KICS2: variants seen among roughly 807,000 people sequenced by gnomAD.
KICS2 encodes the protein KICSTOR complex protein C12orf66.
KICS2 carries 13 observed loss-of-function variants against 31.4 expected under a neutral mutation model. The ratio of observed to expected loss-of-function variants is 0.41; its 90% CI spans 0.27 to 0.66. KICS2 has a LOEUF of 0.66. KICS2 is among the 30% of genes least tolerant of loss of function. The pLI is 0.28. For missense variants in KICS2, 455 were observed against 545.4 expected, an observed-to-expected ratio of 0.83 and a Z score of 1.65; for synonymous variants, 209 against 214.8, an observed-to-expected ratio of 0.97 and a Z score of 0.24.
intron 1 of KICS2, among the ~76,000 whole-genome samples, chr12:64,216,214 A>C (rs994069551): frequency 7.0e-6 from 1 of 142,266 alleles, no homozygotes; most frequent in Admixed American, 7.2e-5. Flanking sequence ...AAGCTAAATG[A>C]ATACCTGATA....
intron 2 of KICS2, among the ~76,000 whole-genome samples, chr12:64,202,123 C>T (rs919129551): frequency 6.6e-6 from 1 of 152,166 alleles, no homozygotes; most frequent in Admixed American, 6.5e-5. Context: ...AAGTTTTTGA[C>T]GCTGGGCACA....
chr12:64,216,382 T>C (rs1181354146), intron 1 of KICS2, among the ~76,000 whole-genome samples: 1 of 152,196 alleles, frequency 6.6e-6, no homozygotes, highest in African/African-American at 2.4e-5. Context: ...TTCACATAGA[T>C]GTATTCAAAG....
intron 1 of KICS2, among the ~76,000 whole-genome samples, chr12:64,220,756 C>G (rs1477292673): frequency 6.6e-6 from 1 of 151,990 alleles, no homozygotes; most frequent in Non-Finnish European, 1.5e-5. Flanking sequence ...TGAATGCAAA[C>G]TCAATCTGAG....
downstream of KICS2, chr12:64,187,760 T>C (rs557714552): frequency 1.2e-6 from 1 of 851,924 alleles, no homozygotes; most frequent in African/African-American, 1.7e-5. Context: ...AAAAAAAATC[T>C]AGTTTTCTTA....
At chr12:64,190,133 T>A (rs949331566), downstream of KICS2, among the ~76,000 whole-genome samples, 7 of 152,144 alleles carry the variant, frequency 4.6e-5, no homozygotes, top group Non-Finnish European at 1.0e-4. Flanking sequence ...TCAAACATAA[T>A]AACTAGGTAC....
intron 2 of KICS2, among the ~76,000 whole-genome samples, chr12:64,207,116 G>A (rs2037545789): frequency 6.6e-6 from 1 of 151,822 alleles, no homozygotes; most frequent in East Asian, 1.9e-4. Flanking sequence ...ACCAGCCTGG[G>A]CAACACGGCA....
At chr12:64,217,567 G>C (rs1195630352) in intron 1 of KICS2, among the ~76,000 whole-genome samples, 3 of 152,124 alleles carry the variant, frequency 2.0e-5, no homozygotes, top group Non-Finnish European at 2.9e-5. Context: ...GGGAGGCTGA[G>C]GCGGGAGGAT....
At chr12:64,190,459 T>C (rs2037370206), downstream of KICS2, among the ~76,000 whole-genome samples, 1 of 152,200 alleles carries the variant, frequency 6.6e-6, no homozygotes, top group South Asian at 2.1e-4. Flanking sequence ...GAAGTACCAA[T>C]TATTTTCTTT....
At chr12:64,188,332 T>C (rs2037354670), downstream of KICS2, among the ~76,000 whole-genome samples, 1 of 152,190 alleles carries the variant, frequency 6.6e-6, no homozygotes, top group Non-Finnish European at 1.5e-5. Flanking sequence ...GAGACCAGCC[T>C]GGCCAACATG....
intron 2 of KICS2, among the ~76,000 whole-genome samples, chr12:64,210,631 T>A (rs533270892): frequency 7.4e-4 from 113 of 152,080 alleles, no homozygotes; most frequent in African/African-American, 2.5e-3. Flanking sequence ...AAAATAATTA[T>A]CCAGGGATGG....
intron 2 of KICS2, among the ~76,000 whole-genome samples, chr12:64,205,787 AG>A (rs2037534304): frequency 3.6e-5 from 5 of 140,738 alleles, no homozygotes; most frequent in African/African-American, 7.9e-5. Context: ...GAAGGAAGGA[AG>A]GAAGGAAGGC....
rs1204808601 is a variant in KICS2 at position 64,193,940 on chromosome 12, C to T, written c.1240G>A (p.Glu414Lys). Residue 414 changes from glutamate (E) to lysine (K), a missense_variant, in exon 3 of 3, where the codon GAG becomes AAG. Coordinates refer to ENST00000398055, the MANE Select transcript of KICS2 (RefSeq NM_152440.5). ...IVIIFESKKSERDSHFISFLN... is the reference protein window; with the variant it reads ...IVIIFESKKSKRDSHFISFLN... ...AAGGAAATAAAGTGGGAGTCTCTCT[C>T]AGATTTCTTTGACTCAAAAATGATG... is the stretch of plus-strand genomic sequence containing the variant. The T allele has an allele frequency of 6.2e-7, 1 of 1,614,198 alleles. No individual in the cohort carries two copies. The highest frequency in any genetic ancestry group is 1.1e-5 in the South Asian group (1 of 91,084).
intron 1 of KICS2, among the ~76,000 whole-genome samples, chr12:64,219,155 T>C (rs531822406): frequency 1.3e-5 from 2 of 152,358 alleles, no homozygotes; most frequent in East Asian, 1.9e-4. Flanking sequence ...AAGGAACGTG[T>C]AAAACATCTT....
chr12:64,214,214 G>GCAAA (rs145780281), intron 2 of KICS2, among the ~76,000 whole-genome samples: 3,260 of 152,304 alleles, frequency 0.021, 43 homozygotes, highest in Admixed American at 0.032. Flanking sequence ...CATCTATTCA[G>GCAAA]CATCTACTAT....
At chr12:64,202,270 G>C (rs192981969) in intron 2 of KICS2, among the ~76,000 whole-genome samples, 3 of 152,206 alleles carry the variant, frequency 2.0e-5, no homozygotes, top group African/African-American at 7.2e-5. Context: ...GTCAAGTGTG[G>C]TGGTGTGCAC....
chr12:64,191,372 T>A lies in KICS2; in HGVS notation c.*2470A>T, dbSNP rs2037377049. ...TCTGTTCTTTGAAATTCTTTTTGTG[T>A]TTATGTTTAAAAATAGATATACAAT... is the stretch of plus-strand genomic sequence containing the variant. On this transcript the variant is annotated 3_prime_UTR_variant, in exon 3 of 3. Coordinates refer to ENST00000398055, the MANE Select transcript of KICS2 (RefSeq NM_152440.5). The A allele has an allele frequency of 6.6e-6, 1 of 152,226 alleles. No individual in the cohort carries two copies. Among genetic ancestry groups the A allele is most frequent in the African/African-American group, 2.4e-5 (1 of 41,454 alleles). 9.4% of individuals were successfully genotyped at this position (152,226 alleles called of 1,614,324 possible).
At chr12:64,211,049 G>A (rs1025954516) in intron 2 of KICS2, among the ~76,000 whole-genome samples, 6 of 152,066 alleles carry the variant, frequency 3.9e-5, no homozygotes, top group Non-Finnish European at 8.8e-5. Flanking sequence ...GCTCAGGGAT[G>A]GGTATTTTTC....
intron 2 of KICS2, among the ~76,000 whole-genome samples, chr12:64,213,953 C>T (rs1443328841): frequency 6.6e-6 from 1 of 152,174 alleles, no homozygotes; most frequent in Non-Finnish European, 1.5e-5. Flanking sequence ...TCAGCATCTC[C>T]TATCCCACTG....
chr12:64,222,023 G>A lies in KICS2; in HGVS notation c.215C>T (p.Thr72Ile). 2 of 1,613,736 alleles carry A rather than the reference G, an allele frequency of 1.2e-6. No individual in the cohort carries two copies. Among genetic ancestry groups the A allele is most frequent in the South Asian group, 1.1e-5 (1 of 91,022 alleles). The change falls in exon 1 of 3, where the codon ACC becomes ATC. Residue 72 changes from threonine (T) to isoleucine (I), a missense_variant. Physicochemically the swap from Thr to Ile is moderately conservative, Grantham distance 89. Transcript: ENST00000398055. Reference sequence around the variant, plus strand: ...GGTACCTAGTTTCTGCCCCAGGTAGGTGAGGCTGTGATAGACCTTCTCGGC... The same window carrying A: ...GGTACCTAGTTTCTGCCCCAGGTAGATGAGGCTGTGATAGACCTTCTCGGC... ...AAAEKVYHSL[T>I]YLGQKLGGQS...
Sources: gnomAD v4.1 joint callset for allele counts (sites outside exome capture counted in the v4.1 genomes callset) on GRCh38, gnomAD v4.1.1 for gene constraint, MANE v1.5 for transcripts, NCBI Gene and HGNC (gene_info 2026-07-23, HGNC 2026-07-21) for gene names.